STK38L: variants seen among roughly 807,000 people sequenced by gnomAD.
STK38L encodes the protein serine/threonine kinase 38 like, also known as serine/threonine-protein kinase 38-like.
STK38L carries 28 observed loss-of-function variants against 59.7 expected under a neutral mutation model. The ratio of observed to expected loss-of-function variants is 0.47; its 90% CI spans 0.35 to 0.64. STK38L has a LOEUF of 0.64. STK38L is among the 30% of genes least tolerant of loss of function. The pLI, the probability that STK38L is intolerant of heterozygous loss-of-function variation, is 0.01. For missense variants in STK38L, 314 were observed against 555.8 expected (o/e 0.56, Z 4.37); for synonymous variants, 162 against 176.8 (o/e 0.92, Z 0.66).
intron 1 of STK38L, among the ~76,000 whole-genome samples, chr12:27,270,864 A>G (rs1262920885): frequency 6.6e-6 from 1 of 152,208 alleles, no homozygotes; most frequent in Non-Finnish European, 1.5e-5. Flanking sequence ...TATTTGTAAT[A>G]TGTAACTTGC....
chr12:27,269,396 G>C (rs1278585527), intron 1 of STK38L, among the ~76,000 whole-genome samples: 2 of 152,084 alleles, frequency 1.3e-5, no homozygotes, highest in Non-Finnish European at 2.9e-5. Context: ...CCCATTTCTT[G>C]TTTTTGTCAG....
At chr12:27,276,895 C>T (rs1363172640) in intron 1 of STK38L, among the ~76,000 whole-genome samples, 2 of 152,144 alleles carry the variant, frequency 1.3e-5, no homozygotes, top group Non-Finnish European at 2.9e-5. Context: ...CCTTGGTAAT[C>T]CTTCCCTTTC....
intron 1 of STK38L, among the ~76,000 whole-genome samples, chr12:27,275,422 C>T (rs1943514010): frequency 6.7e-6 from 1 of 148,216 alleles, no homozygotes; most frequent in Non-Finnish European, 1.5e-5. Context: ...CAGCTCACTG[C>T]AACCTCTGCT....
At chr12:27,258,380 A>C (rs984349399) in intron 1 of STK38L, among the ~76,000 whole-genome samples, 1 of 152,114 alleles carries the variant, frequency 6.6e-6, no homozygotes, top group Non-Finnish European at 1.5e-5. Context: ...GCTAGAGTGC[A>C]GTGGCATGAT....
At chr12:27,302,232 G>A in intron 3 of STK38L, 44 bp downstream of exon 3, 1 of 1,422,098 alleles carries the variant, frequency 7.0e-7, no homozygotes, top group Non-Finnish European at 9.5e-7. Flanking sequence ...CACCCCCAGT[G>A]ACTTTTCATT....
At chr12:27,255,832 C>G (rs946700447) in intron 1 of STK38L, among the ~76,000 whole-genome samples, 2 of 152,114 alleles carry the variant, frequency 1.3e-5, no homozygotes, top group African/African-American at 4.8e-5. Context: ...CCGTCCTGAT[C>G]TTAAGACCCC....
chr12:27,269,001 T>G (rs1312836861), intron 1 of STK38L, among the ~76,000 whole-genome samples: 1 of 152,248 alleles, frequency 6.6e-6, no homozygotes, highest in African/African-American at 2.4e-5. Context: ...TTGGGTTCAT[T>G]GTAGATTCTG....
intron 1 of STK38L, among the ~76,000 whole-genome samples, chr12:27,275,781 A>G (rs1008718515): frequency 3.9e-5 from 6 of 152,240 alleles, no homozygotes; most frequent in African/African-American, 1.4e-4. Context: ...AGATACTCCC[A>G]TATGGTCACA....
chr12:27,297,956 C>G (rs1944067108), intron 2 of STK38L, 102 bp downstream of exon 2: 1 of 1,403,008 alleles, frequency 7.1e-7, no homozygotes, highest in Non-Finnish European at 9.7e-7. Context: ...TATTATGGAT[C>G]CCTGCATGCT....
intron 2 of STK38L, among the ~76,000 whole-genome samples, chr12:27,301,138 C>T (rs975965453): frequency 6.6e-6 from 1 of 152,236 alleles, no homozygotes; most frequent in African/African-American, 2.4e-5. Flanking sequence ...ACTTCATCCA[C>T]ACTGCCCTTA....
rs1302338589 is a variant in STK38L at position 27,304,459 on chromosome 12, C to T, written c.186+2271C>T. 2.0e-5 allele frequency among the ~76,000 whole-genome samples: 3 copies of T among 152,104 alleles called. No individual in the cohort carries two copies. In the East Asian group the frequency reaches 5.8e-4, roughly 29 times the overall value. On this transcript the variant is annotated intron_variant, in intron 3 of 13. Coordinates refer to ENST00000389032, the MANE Select transcript of STK38L (RefSeq NM_015000.4). Reference sequence around the variant, plus strand: ...TGGTAACTTTGTTAATCAGTTGACTCAATCTAGAAAACTCAGATGTTTTTA... The same window carrying T: ...TGGTAACTTTGTTAATCAGTTGACTTAATCTAGAAAACTCAGATGTTTTTA...
intron 1 of STK38L, among the ~76,000 whole-genome samples, chr12:27,293,925 T>C (rs1943951921): frequency 1.3e-5 from 2 of 152,246 alleles, no homozygotes; most frequent in Admixed American, 6.5e-5. Flanking sequence ...TAAATTTTTA[T>C]TGGCTACAGA....
chr12:27,316,098 G>C (rs1944578864), intron 9 of STK38L, among the ~76,000 whole-genome samples: 1 of 152,106 alleles, frequency 6.6e-6, no homozygotes, highest in East Asian at 1.9e-4. Flanking sequence ...AACTAATTCA[G>C]CATTCCCTCA....
Position 27,322,605 on chromosome 12 carries a change from G to T in STK38L, c.*150G>T. Reference sequence around the variant, plus strand: ...AATTCTACAGGATTAGGATTTCTAAGACTACTATAGGAATTGGTTGGCAGT... The same window carrying T: ...AATTCTACAGGATTAGGATTTCTAATACTACTATAGGAATTGGTTGGCAGT... On this transcript the variant is annotated 3_prime_UTR_variant, in exon 14 of 14. Coordinates refer to ENST00000389032, the MANE Select transcript of STK38L (RefSeq NM_015000.4). The T allele has an allele frequency of 1.8e-6, 2 of 1,100,708 alleles. No individual in the cohort carries two copies. Among genetic ancestry groups the T allele is most frequent in the East Asian group, 2.7e-5 (1 of 36,406 alleles). 68.2% of individuals were successfully genotyped at this position (1,100,708 alleles called of 1,614,324 possible).
intron 10 of STK38L, 145 bp downstream of exon 10, chr12:27,317,598 A>T: frequency 1.3e-6 from 1 of 756,228 alleles, no homozygotes; most frequent in Non-Finnish European, 2.1e-6. Context: ...ATACATACTG[A>T]TCAATACCAG....
chr12:27,309,687 T>A (rs1944412236), intron 5 of STK38L, among the ~76,000 whole-genome samples: 1 of 152,208 alleles, frequency 6.6e-6, no homozygotes. Context: ...TAAGGGTCCA[T>A]CTCCAAATAC....
intron 1 of STK38L, 39 bp downstream of exon 1, chr12:27,244,371 C>T (rs1942802588): frequency 6.6e-6 from 1 of 152,350 alleles, no homozygotes; most frequent in Non-Finnish European, 1.5e-5. Context: ...AGGGCCCGAG[C>T]TCGCCGCGCC....
intron 2 of STK38L, 58 bp downstream of exon 2, chr12:27,297,912 G>A (rs1944065677): frequency 1.3e-6 from 2 of 1,585,828 alleles, no homozygotes; most frequent in South Asian, 1.1e-5. Flanking sequence ...TGCTGTGAGT[G>A]GAATAGAAAC....
chr12:27,309,213 C>T lies in STK38L; in HGVS notation c.393+16C>T, dbSNP rs757208082. ...AAAAGAGCAGGTATGAGTTCTTTAACACATGTAATATAAAGGAGCATCCAC... is the reference window on the plus strand; with the variant it reads ...AAAAGAGCAGGTATGAGTTCTTTAATACATGTAATATAAAGGAGCATCCAC... On this transcript the variant is annotated intron_variant, in intron 5 of 13. Coordinates refer to ENST00000389032, the MANE Select transcript of STK38L (RefSeq NM_015000.4). 3.2e-6 allele frequency: 5 copies of T among 1,566,292 alleles called. No individual in the cohort carries two copies. The Admixed American group carries it at 5.4e-5, about 17-fold the overall frequency.
Sources: gnomAD v4.1 joint callset for allele counts (sites outside exome capture counted in the v4.1 genomes callset) on GRCh38, gnomAD v4.1.1 for gene constraint, MANE v1.5 for transcripts, NCBI Gene and HGNC (gene_info 2026-07-23, HGNC 2026-07-21) for gene names.